The following CADM2 variants were observed in gnomAD, a reference collection of about 807,000 sequenced individuals.
CADM2 encodes the protein cell adhesion molecule 2.
In CADM2, 12 loss-of-function variants were observed where a neutral mutation model predicts 49.8. That is an observed-to-expected ratio of 0.24 (90% CI 0.15 to 0.39). The LOEUF (loss-of-function observed/expected upper bound fraction) is 0.39. Ranked by LOEUF, CADM2 falls within the 10% of genes least tolerant of loss-of-function variation. The pLI, the probability that CADM2 is intolerant of heterozygous loss-of-function variation, is 1.00. For missense variants in CADM2, 378 were observed against 492.3 expected, an observed-to-expected ratio of 0.77 and a Z score of 2.20; for synonymous variants, 214 against 175.4, an observed-to-expected ratio of 1.22 and a Z score of -1.74.
rs191111035 is a variant in CADM2, at chr3:85,883,658, A to G, written c.391+215A>G. On this transcript the variant is annotated intron_variant, in intron 4 of 9. Transcript: ENST00000383699. ...AAAGATAGATTCAAAGATGTATATG[A>G]CTTCTAGAAGGCACATAGCTATTTT... is the stretch of plus-strand genomic sequence containing the variant. 8.5e-3 allele frequency among the ~76,000 whole-genome samples: 1,292 copies of G among 152,328 alleles called. 15 individuals are homozygous for G. The highest frequency in any genetic ancestry group is 0.031 in the Middle Eastern group (9 of 294).
At chr3:85,592,643 G>A (rs1002578120) in intron 1 of CADM2, among the ~76,000 whole-genome samples, 1 of 151,826 alleles carries the variant, frequency 6.6e-6, no homozygotes, top group Non-Finnish European at 1.5e-5. Flanking sequence ...TCATACTCAT[G>A]AATTTAGGTA....
chr3:85,234,023 T>C (rs1189693216), intron 1 of CADM2, among the ~76,000 whole-genome samples: 1 of 152,148 alleles, frequency 6.6e-6, no homozygotes, highest in Non-Finnish European at 1.5e-5. Context: ...ACATGGATTA[T>C]CTCAGTTAAT....
At chr3:85,017,709 A>C (rs1195948215) in intron 1 of CADM2, among the ~76,000 whole-genome samples, 1 of 152,164 alleles carries the variant, frequency 6.6e-6, no homozygotes, top group African/African-American at 2.4e-5. Flanking sequence ...TTGAAGAAAA[A>C]ACTTGGGAAC....
chr3:85,330,805 A>T (rs2107148599), intron 1 of CADM2, among the ~76,000 whole-genome samples: 1 of 151,634 alleles, frequency 6.6e-6, no homozygotes, highest in Non-Finnish European at 1.5e-5. Flanking sequence ...AAAAAAAAAA[A>T]AAAAAATAGC....
At chr3:85,115,055 C>A (rs1001194103) in intron 1 of CADM2, among the ~76,000 whole-genome samples, 4 of 152,038 alleles carry the variant, frequency 2.6e-5, no homozygotes, top group African/African-American at 4.8e-5. Flanking sequence ...TTATATCTAC[C>A]TGGAATGCTT....
At chr3:85,567,252 G>A (rs752793003) in intron 1 of CADM2, among the ~76,000 whole-genome samples, 3 of 152,166 alleles carry the variant, frequency 2.0e-5, no homozygotes, top group Non-Finnish European at 2.9e-5. Flanking sequence ...TTATCGAGCA[G>A]ATGGTTAATA....
chr3:85,260,274 T>G (rs1332870683), intron 1 of CADM2, among the ~76,000 whole-genome samples: 1 of 152,036 alleles, frequency 6.6e-6, no homozygotes, highest in Non-Finnish European at 1.5e-5. Context: ...AGGCAGTGAT[T>G]ATAATTATTT....
intron 2 of CADM2, among the ~76,000 whole-genome samples, chr3:85,796,124 C>A (rs753087439): frequency 1.3e-5 from 2 of 152,184 alleles, no homozygotes; most frequent in Non-Finnish European, 2.9e-5. Flanking sequence ...GGTTGATCAT[C>A]AAAATGTCAT....
intron 1 of CADM2, among the ~76,000 whole-genome samples, chr3:85,097,662 C>T (rs1221463165): frequency 6.6e-6 from 1 of 152,114 alleles, no homozygotes; most frequent in Non-Finnish European, 1.5e-5. Flanking sequence ...GTATGTATTC[C>T]TTTGATTGGA....
chr3:85,732,541 C>A (rs1282211998), intron 2 of CADM2, among the ~76,000 whole-genome samples: 4 of 151,914 alleles, frequency 2.6e-5, no homozygotes, highest in Non-Finnish European at 5.9e-5. Context: ...TAGTTCACCT[C>A]ACTTCTCTAA....
chr3:85,196,339 G>T (rs757709715), intron 1 of CADM2, among the ~76,000 whole-genome samples: 2 of 151,908 alleles, frequency 1.3e-5, no homozygotes, highest in Non-Finnish European at 2.9e-5. Flanking sequence ...GTAGCTTGTG[G>T]AATATATTCA....
At chr3:85,773,111 C>T (rs1428582359) in intron 2 of CADM2, among the ~76,000 whole-genome samples, 2 of 151,842 alleles carry the variant, frequency 1.3e-5, no homozygotes, top group Non-Finnish European at 2.9e-5. Context: ...CAAAGAAATT[C>T]AGGAAAACAG....
intron 3 of CADM2, among the ~76,000 whole-genome samples, chr3:85,807,704 A>G (rs1000795941): frequency 6.6e-6 from 1 of 152,156 alleles, no homozygotes; most frequent in African/African-American, 2.4e-5. Context: ...ACATATTTCA[A>G]GTACTCAATA....
At position 85,317,091 on chromosome 3, in the gene CADM2, C is replaced by T. The variant is rs555694200; in HGVS notation, c.61+357423C>T. Among the ~76,000 whole-genome samples, 5 of 152,000 alleles carry T rather than the reference C, an allele frequency of 3.3e-5. No individual in the cohort carries two copies. The East Asian group carries it at 7.7e-4, about 24-fold the overall frequency. On this transcript the variant is annotated intron_variant, in intron 1 of 9. Coordinates refer to ENST00000383699, the MANE Select transcript of CADM2 (RefSeq NM_001167675.2). Reference sequence around the variant, plus strand: ...GAAATACACTGTGGTCATAATGAAGCTTGTCTACATTTCTGGAATTCTCAG... The same window carrying T: ...GAAATACACTGTGGTCATAATGAAGTTTGTCTACATTTCTGGAATTCTCAG...
intron 1 of CADM2, among the ~76,000 whole-genome samples, chr3:85,693,437 G>A (rs1456812391): frequency 9.3e-5 from 14 of 150,532 alleles, no homozygotes; most frequent in South Asian, 2.1e-4. Flanking sequence ...AAAATTAGCC[G>A]GGCGCAGTGG....
intron 1 of CADM2, among the ~76,000 whole-genome samples, chr3:85,303,033 A>G (rs1165415430): frequency 6.6e-6 from 1 of 151,916 alleles, no homozygotes; most frequent in Non-Finnish European, 1.5e-5. Flanking sequence ...AACTATACAC[A>G]GTTCATGTAA....
At chr3:85,464,234 T>C (rs1411490202) in intron 1 of CADM2, among the ~76,000 whole-genome samples, 1 of 152,140 alleles carries the variant, frequency 6.6e-6, no homozygotes, top group Non-Finnish European at 1.5e-5. Context: ...GAAATATGAT[T>C]ATATATTTAT....
At chr3:85,722,146 G>C (rs1002529676) in intron 1 of CADM2, among the ~76,000 whole-genome samples, 1 of 152,022 alleles carries the variant, frequency 6.6e-6, no homozygotes, top group Non-Finnish European at 1.5e-5. Context: ...CCTCTCTGCA[G>C]CTGGTTATCC....
intron 1 of CADM2, among the ~76,000 whole-genome samples, chr3:85,596,394 G>A (rs1259354202): frequency 6.6e-6 from 1 of 152,024 alleles, no homozygotes; most frequent in East Asian, 1.9e-4. Flanking sequence ...TTAAGGAAAT[G>A]TATTTAGAAG....
Sources: allele counts gnomAD v4.1 joint callset (sites outside exome capture counted in the v4.1 genomes callset), GRCh38; gene constraint gnomAD v4.1.1; transcripts MANE v1.5; gene names NCBI Gene and HGNC (gene_info 2026-07-23, HGNC 2026-07-21).